Variants in VTA1 observed in about 807,000 individuals in gnomAD.
The protein encoded by VTA1 is vesicle trafficking 1.
Under a neutral mutation model 36.9 loss-of-function variants are expected in VTA1, and 24 were observed. The observed-to-expected ratio is 0.65, with a 90% CI of 0.47 to 0.91. The LOEUF (loss-of-function observed/expected upper bound fraction) is 0.91. Ranked by LOEUF, VTA1 falls within the 40% of genes least tolerant of loss-of-function variation. The pLI is 0.00. For missense variants in VTA1, 393 were observed against 377.2 expected, an observed-to-expected ratio of 1.04 and a Z score of -0.35; for synonymous variants, 142 against 130.2, an observed-to-expected ratio of 1.09 and a Z score of -0.62.
chr6:142,165,308 G>A (rs561227416), intron 1 of VTA1, among the ~76,000 whole-genome samples: 18 of 152,132 alleles, frequency 1.2e-4, no homozygotes, highest in Non-Finnish European at 2.5e-4. Context: ...CAGCGTAACC[G>A]TAGGTCTCAA....
At chr6:142,203,878 A>G in intron 6 of VTA1, 107 bp from the exon 7 acceptor site, 3 of 870,034 alleles carry the variant, frequency 3.4e-6, no homozygotes, top group Non-Finnish European at 5.5e-6. Context: ...ATGTTTCTAG[A>G]AAATAAGCAA....
At chr6:142,199,330 C>CA (rs1775633153) in intron 6 of VTA1, among the ~76,000 whole-genome samples, 1 of 152,076 alleles carries the variant, frequency 6.6e-6, no homozygotes, top group Admixed American at 6.5e-5. Flanking sequence ...GCATTGTTGA[C>CA]AAAATGTCAC....
chr6:142,189,622 A>G (rs1775413291), intron 5 of VTA1, 88 bp downstream of exon 5: 3 of 1,008,398 alleles, frequency 3.0e-6, no homozygotes, highest in South Asian at 3.4e-5. Flanking sequence ...GGAACAATAC[A>G]GTTTTGTTTT....
chr6:142,181,078 G>GGA (rs1384989795), intron 4 of VTA1, among the ~76,000 whole-genome samples: 4 of 51,284 alleles, frequency 7.8e-5, no homozygotes, highest in South Asian at 6.4e-4. Flanking sequence ...AAATGGTACA[G>GGA]AAAAAAAAAA....
intron 4 of VTA1, 37 bp from the exon 5 acceptor site, chr6:142,189,389 C>A (rs1455828338): frequency 6.7e-7 from 1 of 1,490,324 alleles, no homozygotes; most frequent in Non-Finnish European, 9.3e-7. Flanking sequence ...ACTTCTTTAC[C>A]ATAGTCCAAT....
chr6:142,156,458 T>A (rs1321413373), intron 1 of VTA1, among the ~76,000 whole-genome samples: 1 of 152,214 alleles, frequency 6.6e-6, no homozygotes, highest in Admixed American at 6.5e-5. Flanking sequence ...TATTTTTCTT[T>A]AATGAAGCCG....
chr6:142,172,714 C>T (rs1207692335), intron 4 of VTA1, among the ~76,000 whole-genome samples: 1 of 152,066 alleles, frequency 6.6e-6, no homozygotes, highest in Non-Finnish European at 1.5e-5. Flanking sequence ...CTTGGGGATA[C>T]AGAGGTAATA....
chr6:142,154,096 G>T (rs1211667387), intron 1 of VTA1, among the ~76,000 whole-genome samples: 1 of 151,974 alleles, frequency 6.6e-6, no homozygotes, highest in Non-Finnish European at 1.5e-5. Context: ...CCATAGTCAA[G>T]ATAGAGAATA....
At chr6:142,218,142 C>T (rs764093274) in intron 7 of VTA1, among the ~76,000 whole-genome samples, 10 of 151,952 alleles carry the variant, frequency 6.6e-5, no homozygotes, top group Non-Finnish European at 1.5e-4. Flanking sequence ...TACATTCCAG[C>T]TCAAATGAGG....
intron 5 of VTA1, among the ~76,000 whole-genome samples, chr6:142,198,115 A>ATGTGTGTGTGTGTGTG (rs1259650162): frequency 5.2e-5 from 4 of 76,548 alleles, no homozygotes; most frequent in Admixed American, 1.2e-4. Context: ...ATATATATAT[A>ATGTGTGTGTGTGTGTG]TATATGTGTG....
chr6:142,222,839 T>C lies in VTA1; in HGVS notation c.*4196T>C, dbSNP rs1251196246. 1 of 152,222 alleles carries C rather than the reference T, an allele frequency of 6.6e-6. No homozygotes were observed. The highest frequency in any genetic ancestry group is 1.5e-5 in the Non-Finnish European group (1 of 68,032). 9.4% of individuals were successfully genotyped at this position (152,222 alleles called of 1,614,324 possible). On this transcript the variant is annotated 3_prime_UTR_variant, in exon 8 of 8. Transcript: ENST00000367630. ...AATGTTTACTAAATGTCAGATACTA[T>C]TCTAAGTATTTTGCATATATTAATT...
rs186442541 is a variant in VTA1, at chr6:142,155,851, G to T, written c.112+8452G>T. 3.9e-5 allele frequency among the ~76,000 whole-genome samples: 6 copies of T among 152,148 alleles called. No individual in the cohort carries two copies. The East Asian group carries it at 1.2e-3, about 29-fold the overall frequency. ...TGTTTCTTTTTGTTCTTTATGCCTTGGTGTAGCTTTACCGTAATTGCTTTT... is the reference window on the plus strand; with the variant it reads ...TGTTTCTTTTTGTTCTTTATGCCTTTGTGTAGCTTTACCGTAATTGCTTTT... On this transcript the variant is annotated intron_variant, in intron 1 of 7. Transcript: ENST00000367630.
At chr6:142,209,125 C>T (rs192498204) in intron 7 of VTA1, among the ~76,000 whole-genome samples, 1 of 152,122 alleles carries the variant, frequency 6.6e-6, no homozygotes, top group East Asian at 1.9e-4. Context: ...AACCTAAAGA[C>T]ATCTTATGCC....
Position 142,169,692 on chromosome 6 carries a change from A to G in VTA1, c.335+15A>G. On this transcript the variant is annotated intron_variant, in intron 3 of 7. Coordinates refer to ENST00000367630, the MANE Select transcript of VTA1 (RefSeq NM_016485.5). ...CGATTTCACAAGTAAGTAAAGAGAA[A>G]AATAAAAATTATTTTATTAATTTTG... is the stretch of plus-strand genomic sequence containing the variant. 6.5e-7 allele frequency: 1 copy of G among 1,527,762 alleles called. No individual in the cohort carries two copies. Among genetic ancestry groups the G allele is most frequent in the South Asian group, 1.3e-5 (1 of 75,728 alleles). 94.6% of individuals were successfully genotyped at this position (1,527,762 alleles called of 1,614,324 possible). A position where few individuals can be genotyped will look rare whatever the true frequency, so the allele number is the denominator to read the frequency against.
chr6:142,219,705 G>GT lies in VTA1; in HGVS notation c.*1068dup, dbSNP rs1222740265. 1 of 151,966 alleles carries GT rather than the reference G, an allele frequency of 6.6e-6. No individual in the cohort carries two copies. The highest frequency in any genetic ancestry group is 1.5e-5 in the Non-Finnish European group (1 of 68,006). The allele number at this position is 151,966 out of a possible 1,614,324, so 9.4% of individuals were successfully genotyped here. ...TGGGTGTTTCTATAGGAAGAAACAG[G>GT]TTTTTTGTTTTTTGTTTTTTAAGAT... On this transcript the variant is annotated 3_prime_UTR_variant, in exon 8 of 8. Transcript: ENST00000367630.
chr6:142,157,359 A>G (rs1322610699), intron 1 of VTA1, among the ~76,000 whole-genome samples: 2 of 152,150 alleles, frequency 1.3e-5, no homozygotes, highest in African/African-American at 4.8e-5. Flanking sequence ...TTTTTTTATT[A>G]ATAAGCTTTC....
rs370861042 is a variant in VTA1, at chr6:142,161,135, GTAGT to G, written c.113-5089_113-5086del. Among the ~76,000 whole-genome samples the G allele has an allele frequency of 3.1e-3, 429 of 138,242 alleles. 1 individual carries two copies. The highest frequency in any genetic ancestry group is 0.011 in the African/African-American group (408 of 35,912). The allele number at this position is 138,242 out of a possible 152,430, so 90.7% of individuals were successfully genotyped here. Reference sequence around the variant, plus strand: ...GTGCCTAAATTATTTAATTTGGAAAGTAGTTAGATATGTTTTGTACAAAAACTGT... The same window carrying G: ...GTGCCTAAATTATTTAATTTGGAAAGTAGATATGTTTTGTACAAAAACTGT... On this transcript the variant is annotated intron_variant, in intron 1 of 7. Transcript: ENST00000367630.
At chr6:142,187,130 A>G (rs1171419076) in intron 4 of VTA1, among the ~76,000 whole-genome samples, 1 of 152,200 alleles carries the variant, frequency 6.6e-6, no homozygotes, top group East Asian at 1.9e-4. Flanking sequence ...ATTCATATTT[A>G]AAATTCTATA....
intron 4 of VTA1, among the ~76,000 whole-genome samples, chr6:142,174,588 T>A (rs1349535286): frequency 6.6e-6 from 1 of 152,124 alleles, no homozygotes; most frequent in East Asian, 1.9e-4. Context: ...ATAATTATAT[T>A]TTGCAATGTG....
Sources: gnomAD v4.1 joint callset for allele counts (sites outside exome capture counted in the v4.1 genomes callset) on GRCh38, gnomAD v4.1.1 for gene constraint, MANE v1.5 for transcripts, NCBI Gene and HGNC (gene_info 2026-07-23, HGNC 2026-07-21) for gene names.